The following RBPJ variants were observed in gnomAD, a reference collection of about 807,000 sequenced individuals.
RBPJ encodes the protein recombination signal binding protein for immunoglobulin kappa J region, also known as recombining binding protein suppressor of hairless.
Under a neutral mutation model 67.8 loss-of-function variants are expected in RBPJ, and 9 were observed. The observed-to-expected ratio is 0.13, with a 90% CI of 0.08 to 0.23. The LOEUF (loss-of-function observed/expected upper bound fraction) is 0.23, where lower values mean the gene tolerates loss of function less well. Among genes scored for constraint, RBPJ ranks in the 10% least tolerant of loss-of-function variants. The probability of loss-of-function intolerance (pLI) is 1.00; values close to 1 mark genes in which losing one functional copy is unlikely to be tolerated. For synonymous variants in RBPJ, 198 were observed against 203.3 expected (o/e 0.97, Z 0.22); for missense variants, 305 against 595.6 (o/e 0.51, Z 5.08).
At chr4:26,154,575 A>G in the RBPJ span, among the ~76,000 whole-genome samples, 1 of 152,194 alleles carries the variant, frequency 6.6e-6, no homozygotes, top group Non-Finnish European at 1.5e-5. Flanking sequence ...GTTCTCAGGA[A>G]CATGGTTTTA....
chr4:26,363,578 A>G (rs1177186371), intron 1 of RBPJ, among the ~76,000 whole-genome samples: 1 of 152,116 alleles, frequency 6.6e-6, no homozygotes, highest in African/African-American at 2.4e-5. Context: ...AGCTGGGACT[A>G]CAGGTGCCCG....
chr4:26,209,874 T>C (rs77413946), intron 1 of RBPJ, among the ~76,000 whole-genome samples: 1 of 143,938 alleles, frequency 6.9e-6, no homozygotes, highest in African/African-American at 2.6e-5. Context: ...CTTCCCTCTC[T>C]CCCTTCCTTG....
intron 1 of RBPJ, among the ~76,000 whole-genome samples, chr4:26,352,906 T>C (rs1185299882): frequency 6.6e-6 from 1 of 152,232 alleles, no homozygotes; most frequent in Admixed American, 6.5e-5. Flanking sequence ...GCATGTAGCC[T>C]TCATCATTAA....
At chr4:26,158,046 G>C in the RBPJ span, among the ~76,000 whole-genome samples, 1 of 152,318 alleles carries the variant, frequency 6.6e-6, no homozygotes, top group East Asian at 1.9e-4. Flanking sequence ...CAAGTAAAAT[G>C]GTTGTTGTTT....
chr4:26,294,875 CAA>C (rs58086685), intron 1 of RBPJ, among the ~76,000 whole-genome samples: 15 of 120,800 alleles, frequency 1.2e-4, no homozygotes, highest in African/African-American at 3.7e-4. Flanking sequence ...GACTCCGTCT[CAA>C]AAAAAAAAAA....
intron 1 of RBPJ, among the ~76,000 whole-genome samples, chr4:26,296,447 T>C (rs1721877364): frequency 6.6e-6 from 1 of 152,152 alleles, no homozygotes. Context: ...GTGATATTAA[T>C]CAGGTTCAAT....
intron 1 of RBPJ, among the ~76,000 whole-genome samples, chr4:26,205,074 G>A (rs1029649626): frequency 2.0e-5 from 3 of 152,200 alleles, no homozygotes; most frequent in Non-Finnish European, 4.4e-5. Context: ...TGCAGGATGG[G>A]GGAGGGGCTC....
chr4:26,239,721 G>A (rs1719570994), intron 1 of RBPJ, among the ~76,000 whole-genome samples: 1 of 148,832 alleles, frequency 6.7e-6, no homozygotes, highest in South Asian at 2.2e-4. Flanking sequence ...AAAAGGAGAA[G>A]AGAAGAGGGG....
chr4:26,167,955 C>A (rs1422054560), intron 1 of RBPJ, among the ~76,000 whole-genome samples: 1 of 151,702 alleles, frequency 6.6e-6, no homozygotes, highest in African/African-American at 2.4e-5. Context: ...TTATTTTGAG[C>A]CTATGTGTGT....
chr4:26,365,218 A>G (rs1728506317), intron 1 of RBPJ, among the ~76,000 whole-genome samples: 1 of 152,026 alleles, frequency 6.6e-6, no homozygotes, highest in Non-Finnish European at 1.5e-5. Context: ...AGGGTACGCT[A>G]TTACATTTTT....
At chr4:26,323,006 A>T (rs145309751) in intron 1 of RBPJ, 1 of 151,096 alleles carries the variant, frequency 6.6e-6, no homozygotes, top group Non-Finnish European at 1.5e-5. Context: ...CTGAAGTTCT[A>T]CAATAGTGAA....
rs80314012 is a variant in RBPJ at position 26,179,188 on chromosome 4, T to C, written c.-167+15574T>C. 4.3e-3 allele frequency among the ~76,000 whole-genome samples: 659 copies of C among 151,830 alleles called. 2 individuals carry two copies. The highest frequency in any genetic ancestry group is 0.015 in the African/African-American group (623 of 41,412). Reference sequence around the variant, plus strand: ...ACAGACTCCTTTTTCCTTTACTCTCTCCTCCAGTGTTAGATGTTTTGAAAG... The same window carrying C: ...ACAGACTCCTTTTTCCTTTACTCTCCCCTCCAGTGTTAGATGTTTTGAAAG... On this transcript the variant is annotated intron_variant, in intron 1 of 4. Transcript: ENST00000512351.
intron 1 of RBPJ, among the ~76,000 whole-genome samples, chr4:26,229,642 C>T (rs868358061): frequency 1.3e-5 from 2 of 152,240 alleles, no homozygotes; most frequent in Middle Eastern, 6.8e-3. Flanking sequence ...GGTTTACATC[C>T]CATCTCTGCC....
intron 1 of RBPJ, among the ~76,000 whole-genome samples, chr4:26,305,049 T>C (rs1450266181): frequency 6.6e-6 from 1 of 152,198 alleles, no homozygotes; most frequent in East Asian, 1.9e-4. Flanking sequence ...TGTCATTCTT[T>C]TGCATGTAGA....
intron 1 of RBPJ, among the ~76,000 whole-genome samples, chr4:26,226,787 C>G (rs1719090330): frequency 6.6e-6 from 1 of 152,072 alleles, no homozygotes; most frequent in Non-Finnish European, 1.5e-5. Flanking sequence ...TGAGGGTTAC[C>G]ATGGATACCA....
chr4:26,151,581 T>G, the RBPJ span, among the ~76,000 whole-genome samples: 1 of 152,204 alleles, frequency 6.6e-6, no homozygotes, highest in Non-Finnish European at 1.5e-5. Context: ...AGAGTCACTG[T>G]CCCCACCACC....
the RBPJ span, among the ~76,000 whole-genome samples, chr4:26,139,032 G>C: frequency 2.6e-5 from 4 of 152,212 alleles, no homozygotes; most frequent in Admixed American, 6.5e-5. Context: ...GCCAGCTCAG[G>C]ACAACCCAGG....
At chr4:26,278,175 C>T (rs1721144256) in intron 1 of RBPJ, among the ~76,000 whole-genome samples, 1 of 152,178 alleles carries the variant, frequency 6.6e-6, no homozygotes, top group African/African-American at 2.4e-5. Context: ...ATAACATATA[C>T]TTCATATTCA....
intron 1 of RBPJ, among the ~76,000 whole-genome samples, chr4:26,212,324 CT>C (rs1227393003): frequency 6.6e-6 from 1 of 151,698 alleles, no homozygotes; most frequent in East Asian, 1.9e-4. Flanking sequence ...TTCCATGGCT[CT>C]TGTTACAGGC....
Sources: gnomAD v4.1 joint callset for allele counts (sites outside exome capture counted in the v4.1 genomes callset) on GRCh38, gnomAD v4.1.1 for gene constraint, MANE v1.5 for transcripts, NCBI Gene and HGNC (gene_info 2026-07-23, HGNC 2026-07-21) for gene names.